Variants in SYCE2 observed in about 807,000 individuals in gnomAD.
SYCE2 encodes the protein synaptonemal complex central element protein 2, also known as central element synaptonemal complex 1.
SYCE2 carries 3 observed loss-of-function variants against 27.9 expected under a neutral mutation model. That is an observed-to-expected ratio of 0.11 (90% CI 0.05 to 0.28). The LOEUF (loss-of-function observed/expected upper bound fraction) is 0.28, where lower values mean the gene tolerates loss of function less well. Ranked by LOEUF, SYCE2 falls within the 10% of genes least tolerant of loss-of-function variation. The pLI, the probability that SYCE2 is intolerant of heterozygous loss-of-function variation, is 1.00. For synonymous variants in SYCE2, 85 were observed against 100.7 expected (o/e 0.84, Z 0.93); for missense variants, 207 against 263.5 (o/e 0.79, Z 1.48).
intron 4 of SYCE2, 25 bp downstream of exon 4, chr19:12,900,435 G>A (rs918811263): frequency 1.6e-5 from 25 of 1,605,540 alleles, no homozygotes; most frequent in Non-Finnish European, 2.0e-5. Context: ...CTCAGGCAGC[G>A]CCCCCCCTGT....
chr19:12,908,276 CTTTTTT>C (rs34286819), intron 2 of SYCE2, among the ~76,000 whole-genome samples: 1 of 85,526 alleles, frequency 1.2e-5, no homozygotes, highest in Non-Finnish European at 2.2e-5. Flanking sequence ...ATTTTCTGGG[CTTTTTT>C]TTTTTTTTTT....
chr19:12,918,073 G>A (rs1971168207), intron 2 of SYCE2, 149 bp downstream of exon 2: 1 of 647,108 alleles, frequency 1.5e-6, no homozygotes, highest in Non-Finnish European at 2.7e-6. Context: ...AGTGAGCCGT[G>A]ATCATGCCAC....
At chr19:12,912,030 C>CAGCGCACGACACCTT (rs1568437991) in intron 2 of SYCE2, among the ~76,000 whole-genome samples, 4 of 151,818 alleles carry the variant, frequency 2.6e-5, no homozygotes, top group African/African-American at 9.7e-5. Context: ...CTCTGCCTCC[C>CAGCGCACGACACCTT]GGGTTCAAGC....
intron 2 of SYCE2, among the ~76,000 whole-genome samples, chr19:12,916,359 C>T (rs946243456): frequency 6.6e-6 from 1 of 152,078 alleles, no homozygotes; most frequent in African/African-American, 2.4e-5. Context: ...TGAGCCACTG[C>T]GCCCGGCCAA....
Position 12,899,107 on chromosome 19 carries a change from G to A in SYCE2, c.*234C>T, listed in dbSNP as rs1451625698. ...GAAAATCAAACATTTAATAAACTGT[G>A]GGGCTGGGGGTGGGGAGAACTTGCC... On this transcript the variant is annotated 3_prime_UTR_variant, in exon 6 of 6. Transcript: ENST00000293695. 2 of 578,476 alleles carry A rather than the reference G, an allele frequency of 3.5e-6. No individual in the cohort carries two copies. The highest frequency in any genetic ancestry group is 6.2e-6 in the Non-Finnish European group (2 of 324,298). 35.8% of individuals were successfully genotyped at this position (578,476 alleles called of 1,614,324 possible). A position where few individuals can be genotyped will look rare whatever the true frequency, so the allele number is the denominator to read the frequency against.
chr19:12,918,507 G>T (rs1248803806), intron 1 of SYCE2, among the ~76,000 whole-genome samples, 170 bp from the exon 2 acceptor site: 1 of 152,118 alleles, frequency 6.6e-6, no homozygotes, highest in African/African-American at 2.4e-5. Context: ...AGGGGCATGG[G>T]GTGAAAGGAC....
chr19:12,899,924 G>T, intron 5 of SYCE2, 80 bp downstream of exon 5: 2 of 1,611,086 alleles, frequency 1.2e-6, no homozygotes. Context: ...TATGCTGGGT[G>T]TTGGAGCAGA....
intron 4 of SYCE2, 33 bp downstream of exon 4, chr19:12,900,427 C>T (rs1970810966): frequency 6.2e-7 from 1 of 1,603,002 alleles, no homozygotes; most frequent in Non-Finnish European, 8.5e-7. Flanking sequence ...TCCTCTTCCT[C>T]AGGCAGCGCC....
At chr19:12,905,732 G>A (rs1687289655) in intron 2 of SYCE2, among the ~76,000 whole-genome samples, 2 of 152,134 alleles carry the variant, frequency 1.3e-5, no homozygotes, top group African/African-American at 4.8e-5. Context: ...TGCAGTGTCA[G>A]CTTCAAGTGA....
intron 2 of SYCE2, among the ~76,000 whole-genome samples, chr19:12,912,935 A>G (rs1317644702): frequency 6.6e-6 from 1 of 152,292 alleles, no homozygotes; most frequent in Non-Finnish European, 1.5e-5. Flanking sequence ...CAGCAGCTGC[A>G]TATTAATCAG....
chr19:12,912,876 A>G (rs1411455395), intron 2 of SYCE2, among the ~76,000 whole-genome samples: 1 of 151,778 alleles, frequency 6.6e-6, no homozygotes, highest in African/African-American at 2.4e-5. Flanking sequence ...TATTTTTCCA[A>G]CCTCTCCTTT....
At chr19:12,911,444 CTTTT>C (rs1433114590) in intron 2 of SYCE2, among the ~76,000 whole-genome samples, 1 of 151,648 alleles carries the variant, frequency 6.6e-6, no homozygotes, top group Non-Finnish European at 1.5e-5. Context: ...CTTTTTCTTT[CTTTT>C]TTCTTTTTTG....
Position 12,899,179 on chromosome 19 carries a change from G to A in SYCE2, c.*162C>T. On this transcript the variant is annotated 3_prime_UTR_variant, in exon 6 of 6. Transcript: ENST00000293695. ...TGGGCCTATGGCAGGGGCTGGACTTGCTACATTTTGGGAGTTCAGCACAAG... is the reference window on the plus strand; with the variant it reads ...TGGGCCTATGGCAGGGGCTGGACTTACTACATTTTGGGAGTTCAGCACAAG... 1 of 663,254 alleles carries A rather than the reference G, an allele frequency of 1.5e-6. No homozygotes were observed. The highest frequency in any genetic ancestry group is 2.6e-6 in the Non-Finnish European group (1 of 382,304). 41.1% of individuals were successfully genotyped at this position (663,254 alleles called of 1,614,324 possible). A position where few individuals can be genotyped will look rare whatever the true frequency, so the allele number is the denominator to read the frequency against.
At chr19:12,912,088 C>T (rs1431891094) in intron 2 of SYCE2, among the ~76,000 whole-genome samples, 3 of 151,508 alleles carry the variant, frequency 2.0e-5, no homozygotes, top group Admixed American at 6.6e-5. Context: ...CAGGTGCCCA[C>T]CACTGCACCC....
chr19:12,909,817 C>T (rs971396590), intron 2 of SYCE2, among the ~76,000 whole-genome samples: 2 of 152,000 alleles, frequency 1.3e-5, no homozygotes, highest in African/African-American at 2.4e-5. Flanking sequence ...CCGCCCTCCT[C>T]GGCCTCTCAA....
intron 2 of SYCE2, among the ~76,000 whole-genome samples, chr19:12,907,402 G>A (rs1970954707): frequency 1.3e-5 from 2 of 152,208 alleles, no homozygotes; most frequent in Admixed American, 1.3e-4. Flanking sequence ...AGGTCCTCCA[G>A]CTCTGAAAGG....
At chr19:12,914,411 G>A (rs1053001664) in intron 2 of SYCE2, among the ~76,000 whole-genome samples, 2 of 152,038 alleles carry the variant, frequency 1.3e-5, no homozygotes, top group Non-Finnish European at 2.9e-5. Flanking sequence ...CTTTCAAGCC[G>A]GTAGGAGCTG....
intron 2 of SYCE2, chr19:12,913,873 T>TA (rs1971089918): frequency 6.6e-6 from 1 of 152,250 alleles, no homozygotes; most frequent in African/African-American, 2.4e-5. Flanking sequence ...CACACACCTA[T>TA]AAACCATTTC....
intron 2 of SYCE2, among the ~76,000 whole-genome samples, chr19:12,911,672 C>T (rs1440866272): frequency 7.2e-6 from 1 of 139,126 alleles, no homozygotes; most frequent in Non-Finnish European, 1.5e-5. Context: ...GGATGGAGTG[C>T]AGTGCCACGA....
Sources: allele counts gnomAD v4.1 joint callset (sites outside exome capture counted in the v4.1 genomes callset), GRCh38; gene constraint gnomAD v4.1.1; transcripts MANE v1.5; gene names NCBI Gene and HGNC (gene_info 2026-07-23, HGNC 2026-07-21).